The following ZNF69 variants were observed in gnomAD, a reference collection of about 807,000 sequenced individuals.
ZNF69 encodes the protein ZNF3.
In ZNF69, 47 loss-of-function variants were observed where a neutral mutation model predicts 50.9. That is an observed-to-expected ratio of 0.92 (90% CI 0.73 to 1.18). The LOEUF is 1.18. Among genes scored for constraint, ZNF69 ranks in the 50% most tolerant of loss-of-function variants. ZNF69 has a pLI of 0.00. For synonymous variants in ZNF69, 216 were observed against 223.1 expected (o/e 0.97, Z 0.29); for missense variants, 717 against 675.1 (o/e 1.06, Z -0.69).
chr19:11,940,391 A>G, the ZNF69 span, among the ~76,000 whole-genome samples: 2 of 151,560 alleles, frequency 1.3e-5, no homozygotes, highest in East Asian at 3.9e-4. Context: ...TGATGTTTGG[A>G]TGTGTTCAGA....
chr19:11,891,763 A>T (rs1449989350), intron 1 of ZNF69, among the ~76,000 whole-genome samples: 1 of 152,192 alleles, frequency 6.6e-6, no homozygotes, highest in Non-Finnish European at 1.5e-5. Context: ...ACTTGCAGGC[A>T]TCTTCAGGCT....
At chr19:11,965,068 G>T in the ZNF69 span, 71 of 1,059,522 alleles carry the variant, frequency 6.7e-5, no homozygotes, top group South Asian at 1.3e-5. Flanking sequence ...TTGCGCAGCC[G>T]GTGGTTGATA....
At chr19:11,888,677 G>A (rs1977007423) in intron 1 of ZNF69, among the ~76,000 whole-genome samples, 1 of 152,152 alleles carries the variant, frequency 6.6e-6, no homozygotes, top group Admixed American at 6.5e-5. Flanking sequence ...GGCAGAAAGG[G>A]AGGGACCTGG....
downstream of ZNF69, among the ~76,000 whole-genome samples, chr19:11,916,774 ATAGGTAACAAACG>A (rs1180160807): frequency 6.6e-6 from 1 of 151,912 alleles, no homozygotes; most frequent in Admixed American, 6.5e-5. Context: ...CTGGTTTGTC[ATAGGTAACAAACG>A]TAGCACCATC....
intron 1 of ZNF69, 69 bp from the exon 2 acceptor site, chr19:11,903,504 A>G (rs1046750168): frequency 4.7e-5 from 75 of 1,590,556 alleles, no homozygotes; most frequent in South Asian, 3.6e-4. Flanking sequence ...GAACTTCTTG[A>G]GAATAGAGTC....
At chr19:11,947,007 T>C in the ZNF69 span, 1 of 1,151,418 alleles carries the variant, frequency 8.7e-7, no homozygotes, top group Non-Finnish European at 1.2e-6. Context: ...AATAAATAAA[T>C]AAATTGCTTT....
chr19:11,920,033 GTGCTTC>G, the ZNF69 span, among the ~76,000 whole-genome samples: 1 of 151,852 alleles, frequency 6.6e-6, no homozygotes, highest in Admixed American at 6.6e-5. Flanking sequence ...GAGAATAGGT[GTGCTTC>G]ATAGGCAACT....
the ZNF69 span, chr19:11,978,843 A>G: frequency 6.8e-6 from 11 of 1,614,120 alleles, no homozygotes; most frequent in Middle Eastern, 3.3e-4. Context: ...AAGAACTCAC[A>G]CTGGGGAGAA....
At chr19:11,940,156 C>T in the ZNF69 span, 1 of 152,152 alleles carries the variant, frequency 6.6e-6, no homozygotes, top group South Asian at 2.1e-4. Flanking sequence ...GTCTCCAACT[C>T]CAACCTCAGG....
the ZNF69 span, among the ~76,000 whole-genome samples, chr19:11,922,829 GA>G: frequency 2.2e-3 from 307 of 138,436 alleles, no homozygotes; most frequent in Non-Finnish European, 3.5e-3. Context: ...TTTTGTTTTT[GA>G]TTTTTTTTTT....
the ZNF69 span, among the ~76,000 whole-genome samples, chr19:11,941,859 A>G: frequency 2.6e-5 from 4 of 152,240 alleles, no homozygotes; most frequent in Admixed American, 6.5e-5. Context: ...GTCACCTCTC[A>G]GTATGTATAT....
At chr19:11,974,126 T>TTTCTTTCTTTTC in the ZNF69 span, among the ~76,000 whole-genome samples, 89 of 55,064 alleles carry the variant, frequency 1.6e-3, no homozygotes, top group Middle Eastern at 9.3e-3. Context: ...TCTTTCTTTC[T>TTTCTTTCTTTTC]TTTCTTTCTT....
rs1337264337 is a variant in ZNF69 at position 11,903,936 on chromosome 19, T to C, written c.222T>C (p.Tyr74=). 2 of 1,613,894 alleles carry C rather than the reference T, an allele frequency of 1.2e-6. No individual in the cohort carries two copies. Among genetic ancestry groups the C allele is most frequent in the Non-Finnish European group, 1.7e-6 (2 of 1,179,926 alleles). The change falls in exon 3 of 4, where the codon TAT becomes TAC. Residue 74 remains tyrosine (Y), a synonymous_variant. Transcript: ENST00000429654. ...GKSWKDQNIE[Y]EYQNPRRNFR... The stretch of plus-strand genomic sequence containing the variant: ...GTTGGAAAGACCAGAACATTGAATA[T>C]GAGTACCAAAACCCCAGGAGAAACT...
chr19:11,961,958 C>T, the ZNF69 span, among the ~76,000 whole-genome samples: 48 of 144,932 alleles, frequency 3.3e-4, no homozygotes, highest in African/African-American at 5.4e-4. Flanking sequence ...CACACACACA[C>T]ATATATATTG....
intron 3 of ZNF69, among the ~76,000 whole-genome samples, chr19:11,904,266 TC>T (rs1213577221): frequency 6.6e-6 from 1 of 152,076 alleles, no homozygotes; most frequent in Non-Finnish European, 1.5e-5. Context: ...TGGTCTGTAG[TC>T]CCAGCTACTC....
At chr19:11,901,978 CTTTTTTTTT>C (rs58505422) in intron 1 of ZNF69, among the ~76,000 whole-genome samples, 2 of 119,088 alleles carry the variant, frequency 1.7e-5, no homozygotes, top group Admixed American at 8.3e-5. Flanking sequence ...ATGTTATTTT[CTTTTTTTTT>C]TTTTTTTTTT....
At chr19:11,962,680 C>T in the ZNF69 span, among the ~76,000 whole-genome samples, 1 of 151,970 alleles carries the variant, frequency 6.6e-6, no homozygotes, top group African/African-American at 2.4e-5. Context: ...AGATATATTT[C>T]AAAGGGAGAA....
chr19:11,973,507 G>T, the ZNF69 span, among the ~76,000 whole-genome samples: 2,868 of 152,086 alleles, frequency 0.019, 36 homozygotes, highest in African/African-American at 0.026. Flanking sequence ...GAGCCACCAC[G>T]TTCGGCCACT....
intron 1 of ZNF69, among the ~76,000 whole-genome samples, chr19:11,899,880 C>T (rs879923872): frequency 6.6e-6 from 1 of 152,154 alleles, no homozygotes; most frequent in Non-Finnish European, 1.5e-5. Context: ...TCACTGTCTC[C>T]AGCATTTGGA....
Sources: gnomAD v4.1 joint callset for allele counts (sites outside exome capture counted in the v4.1 genomes callset) on GRCh38, gnomAD v4.1.1 for gene constraint, MANE v1.5 for transcripts, NCBI Gene and HGNC (gene_info 2026-07-23, HGNC 2026-07-21) for gene names.